Variants in LARGE1 observed in about 807,000 individuals in gnomAD.
LARGE1 encodes the protein xylosyl- and glucuronyltransferase LARGE1.
LARGE1 carries 43 observed loss-of-function variants against 87.6 expected under a neutral mutation model. The observed-to-expected ratio is 0.49, with a 90% CI of 0.38 to 0.63. LARGE1 has a LOEUF of 0.63. Ranked by LOEUF, LARGE1 falls within the 30% of genes least tolerant of loss-of-function variation. LARGE1 has a pLI of 0.00. For synonymous variants in LARGE1, 434 were observed against 394.6 expected, an observed-to-expected ratio of 1.10 and a Z score of -1.18; for missense variants, 802 against 1,000.2, an observed-to-expected ratio of 0.80 and a Z score of 2.67.
chr22:33,569,802 G>C (rs1156554041), intron 5 of LARGE1, among the ~76,000 whole-genome samples: 1 of 152,182 alleles, frequency 6.6e-6, no homozygotes, highest in African/African-American at 2.4e-5. Context: ...ATCCTGCTGG[G>C]TTCAATTTTC....
At chr22:33,119,615 A>G in the LARGE1 span, among the ~76,000 whole-genome samples, 8 of 152,094 alleles carry the variant, frequency 5.3e-5, no homozygotes, top group Non-Finnish European at 1.2e-4. Flanking sequence ...TGAGAAGCCA[A>G]TTTGAATAGA....
chr22:33,288,687 T>C (rs928793483), intron 12 of LARGE1, among the ~76,000 whole-genome samples: 3 of 152,054 alleles, frequency 2.0e-5, no homozygotes, highest in Non-Finnish European at 4.4e-5. Context: ...AAATAAAAAG[T>C]GTCCTAATTC....
At chr22:33,771,789 T>C (rs940408614) in intron 1 of LARGE1, among the ~76,000 whole-genome samples, 1 of 152,174 alleles carries the variant, frequency 6.6e-6, no homozygotes, top group African/African-American at 2.4e-5. Flanking sequence ...CCTCCAAACC[T>C]GCTCCAGAAA....
At chr22:33,679,485 C>T (rs2081681954) in intron 2 of LARGE1, among the ~76,000 whole-genome samples, 1 of 152,002 alleles carries the variant, frequency 6.6e-6, no homozygotes. Context: ...CACACACACA[C>T]ACACACGAAG....
At chr22:33,834,781 A>G (rs1321865153) in intron 1 of LARGE1, among the ~76,000 whole-genome samples, 6 of 152,234 alleles carry the variant, frequency 3.9e-5, no homozygotes, top group Non-Finnish European at 8.8e-5. Flanking sequence ...AAGATGAACA[A>G]AATTTTCTTT....
chr22:33,895,663 T>C (rs1372045021), intron 1 of LARGE1, among the ~76,000 whole-genome samples: 3 of 152,212 alleles, frequency 2.0e-5, no homozygotes, highest in Non-Finnish European at 4.4e-5. Context: ...CCTTGCCACA[T>C]GGGCTCCCCC....
intron 7 of LARGE1, among the ~76,000 whole-genome samples, chr22:33,431,148 G>C (rs998367794): frequency 6.6e-6 from 1 of 152,218 alleles, no homozygotes; most frequent in African/African-American, 2.4e-5. Flanking sequence ...GGAGGAGGGA[G>C]GCAGAAGGAT....
chr22:33,885,709 G>T (rs956965550), intron 1 of LARGE1, among the ~76,000 whole-genome samples: 6 of 152,056 alleles, frequency 3.9e-5, no homozygotes, highest in African/African-American at 1.4e-4. Flanking sequence ...TTCACCTTCC[G>T]CTGGAGCCCA....
At chr22:33,232,724 G>T (rs1420051539) in intron 11 of LARGE1, among the ~76,000 whole-genome samples, 1 of 152,164 alleles carries the variant, frequency 6.6e-6, no homozygotes, top group Non-Finnish European at 1.5e-5. Context: ...AGAGAAGAAA[G>T]CTGGGCAGCA....
intron 6 of LARGE1, among the ~76,000 whole-genome samples, chr22:33,446,343 T>C (rs1290644718): frequency 6.6e-6 from 1 of 152,214 alleles, no homozygotes; most frequent in Non-Finnish European, 1.5e-5. Context: ...CTAAGCTCTG[T>C]ATCCTTCTAA....
chr22:33,537,116 C>T (rs2077065541), intron 6 of LARGE1, among the ~76,000 whole-genome samples: 1 of 152,146 alleles, frequency 6.6e-6, no homozygotes, highest in Non-Finnish European at 1.5e-5. Context: ...CAGTGAAAGG[C>T]CATTTAAAGA....
At chr22:33,377,469 T>A (rs939516956) in intron 9 of LARGE1, among the ~76,000 whole-genome samples, 1 of 152,254 alleles carries the variant, frequency 6.6e-6, no homozygotes, top group East Asian at 1.9e-4. Context: ...TGCTATGGCA[T>A]GTATATTCCC....
chr22:33,505,054 C>T (rs139234480), intron 6 of LARGE1, among the ~76,000 whole-genome samples: 1 of 152,240 alleles, frequency 6.6e-6, no homozygotes, highest in African/African-American at 2.4e-5. Flanking sequence ...TCTAACTCCT[C>T]AGTACTGAAA....
At chr22:33,590,100 G>A (rs2148913162) in intron 5 of LARGE1, among the ~76,000 whole-genome samples, 1 of 152,256 alleles carries the variant, frequency 6.6e-6, no homozygotes, top group East Asian at 1.9e-4. Context: ...TGTGGCCAAA[G>A]CTCTCCCAAC....
At chr22:33,096,429 A>G in the LARGE1 span, among the ~76,000 whole-genome samples, 5 of 152,084 alleles carry the variant, frequency 3.3e-5, no homozygotes, top group East Asian at 7.7e-4. Flanking sequence ...AAAAAAAAAA[A>G]AAAAGGATAT....
chr22:33,772,021 A>G (rs1447865298), intron 1 of LARGE1, among the ~76,000 whole-genome samples: 1 of 152,104 alleles, frequency 6.6e-6, no homozygotes, highest in Non-Finnish European at 1.5e-5. Context: ...TAGCAGCCTC[A>G]TTCAAACTCC....
intron 11 of LARGE1, among the ~76,000 whole-genome samples, chr22:33,312,050 G>T (rs565369382): frequency 1.3e-5 from 2 of 152,100 alleles, no homozygotes; most frequent in Non-Finnish European, 2.9e-5. Flanking sequence ...ATCATTCTGG[G>T]AGCCTCTGAA....
rs114452987 is a variant in LARGE1, at chr22:33,745,598, G to A, written c.106+15773C>T. ...AGCTAAGTGCAGCATTTTGAGAAGC[G>A]TTAACTCACAGATACAGCTTCTAGG... is the stretch of plus-strand genomic sequence containing the variant. On this transcript the variant is annotated intron_variant, in intron 2 of 14. Coordinates refer to ENST00000397394, the MANE Select transcript of LARGE1 (RefSeq NM_133642.5). 3.2e-3 allele frequency among the ~76,000 whole-genome samples: 486 copies of A among 152,256 alleles called. 3 individuals carry two copies. The highest frequency in any genetic ancestry group is 0.01 in the African/African-American group (434 of 41,554).
intron 6 of LARGE1, among the ~76,000 whole-genome samples, chr22:33,502,850 C>G (rs1319033356): frequency 6.6e-6 from 1 of 152,162 alleles, no homozygotes; most frequent in African/African-American, 2.4e-5. Context: ...TTACGGTGCA[C>G]AGCAGAAATT....
Sources: gnomAD v4.1 joint callset for allele counts (sites outside exome capture counted in the v4.1 genomes callset) on GRCh38, gnomAD v4.1.1 for gene constraint, MANE v1.5 for transcripts, NCBI Gene and HGNC (gene_info 2026-07-23, HGNC 2026-07-21) for gene names.